The following CPED1 variants were observed in gnomAD, a reference collection of about 807,000 sequenced individuals.
CPED1 encodes the protein cadherin-like and PC-esterase domain-containing protein 1.
CPED1 carries 114 observed loss-of-function variants against 128.2 expected under a neutral mutation model. That is an observed-to-expected ratio of 0.89 (90% CI 0.76 to 1.04). The LOEUF (loss-of-function observed/expected upper bound fraction) is 1.04. Among genes scored for constraint, CPED1 ranks in the 50% least tolerant of loss-of-function variants. The pLI, the probability that CPED1 is intolerant of heterozygous loss-of-function variation, is 0.00. For synonymous variants in CPED1, 462 were observed against 426.7 expected (o/e 1.08, Z -1.02); for missense variants, 1,211 against 1,207.1 (o/e 1.00, Z -0.05).
At chr7:121,010,563 A>G (rs1485785980) in intron 2 of CPED1, among the ~76,000 whole-genome samples, 1 of 152,136 alleles carries the variant, frequency 6.6e-6, no homozygotes, top group Non-Finnish European at 1.5e-5. Context: ...TACATTTTTG[A>G]TAAGCAAACT....
rs62469348 is a variant in CPED1 at position 121,177,769 on chromosome 7, G to A, written c.2055+35628G>A. ...GACATGACATTTTGTAATAAGCTAT[G>A]CTTCTTTCCCCCTTTTTCCTTCTGC... is the stretch of plus-strand genomic sequence containing the variant. On this transcript the variant is annotated intron_variant, in intron 16 of 22. Transcript: ENST00000310396. Among the ~76,000 whole-genome samples the A allele has an allele frequency of 4.2e-3, 632 of 152,130 alleles. 3 individuals carry two copies. The highest frequency in any genetic ancestry group is 7.2e-3 in the Non-Finnish European group (492 of 67,950).
chr7:121,030,398 T>C (rs1057479860), intron 3 of CPED1, among the ~76,000 whole-genome samples: 1 of 152,250 alleles, frequency 6.6e-6, no homozygotes, highest in Non-Finnish European at 1.5e-5. Flanking sequence ...TTGAAAACTC[T>C]GAAATAAATA....
chr7:121,005,494 G>A (rs1205144239), intron 2 of CPED1, among the ~76,000 whole-genome samples: 1 of 151,612 alleles, frequency 6.6e-6, no homozygotes, highest in Non-Finnish European at 1.5e-5. Flanking sequence ...CACACACTGG[G>A]GTCTGTCGGC....
chr7:121,285,592 C>A (rs1433233641), intron 22 of CPED1, among the ~76,000 whole-genome samples: 1 of 152,210 alleles, frequency 6.6e-6, no homozygotes, highest in Non-Finnish European at 1.5e-5. Flanking sequence ...ATCTCTAGGG[C>A]AGGGGCAAAA....
chr7:121,202,180 C>T (rs1412611468), intron 16 of CPED1, among the ~76,000 whole-genome samples: 1 of 152,128 alleles, frequency 6.6e-6, no homozygotes, highest in Admixed American at 6.6e-5. Context: ...TCAGCTTGTC[C>T]TTCCAAAGTT....
At chr7:121,141,840 C>G in intron 15 of CPED1, 133 bp from the exon 16 acceptor site, 1 of 604,958 alleles carries the variant, frequency 1.7e-6, no homozygotes, top group Non-Finnish European at 2.7e-6. Flanking sequence ...GTTTAGGTTT[C>G]TTATGAAATT....
At chr7:121,018,193 G>A (rs1383186037) in intron 3 of CPED1, among the ~76,000 whole-genome samples, 1 of 151,884 alleles carries the variant, frequency 6.6e-6, no homozygotes, top group Non-Finnish European at 1.5e-5. Flanking sequence ...ATGATTTATT[G>A]TATAAAAAGA....
At chr7:121,287,376 T>C (rs1792606098) in intron 22 of CPED1, among the ~76,000 whole-genome samples, 1 of 121,480 alleles carries the variant, frequency 8.2e-6, no homozygotes, top group Non-Finnish European at 1.7e-5. Flanking sequence ...CAAGGAAACC[T>C]TCAGTGAAAT....
intron 7 of CPED1, among the ~76,000 whole-genome samples, chr7:121,117,290 G>A (rs892140271): frequency 6.6e-6 from 1 of 151,342 alleles, no homozygotes; most frequent in South Asian, 2.1e-4. Flanking sequence ...TAGTTGAGAC[G>A]GGGTTTTGCC....
At chr7:121,218,247 G>T (rs1398874545) in intron 16 of CPED1, among the ~76,000 whole-genome samples, 2 of 150,164 alleles carry the variant, frequency 1.3e-5, no homozygotes, top group African/African-American at 4.9e-5. Flanking sequence ...TGTCCGTCTT[G>T]GACTCCCAAA....
intron 7 of CPED1, among the ~76,000 whole-genome samples, chr7:121,111,385 C>T (rs1001879362): frequency 6.6e-6 from 1 of 152,192 alleles, no homozygotes; most frequent in Non-Finnish European, 1.5e-5. Flanking sequence ...CCTGGTGTGA[C>T]AGGGAGGTTC....
intron 16 of CPED1, among the ~76,000 whole-genome samples, chr7:121,232,067 C>A (rs17357115): frequency 0.46 from 70,037 of 151,828 alleles, 18,941 homozygotes; most frequent in East Asian, 0.88. Context: ...TAGAGGGTAA[C>A]ACAATGGAAT....
At position 121,226,489 on chromosome 7, in the gene CPED1, T is replaced by C. The variant is rs540433590; in HGVS notation, c.2056-10225T>C. Among the ~76,000 whole-genome samples, 6 of 152,226 alleles carry C rather than the reference T, an allele frequency of 3.9e-5. No individual in the cohort carries two copies. In the East Asian group the frequency reaches 1.2e-3, roughly 29 times the overall value. ...CATAAGTTATTTAACCAGTTTTGTA[T>C]TGATGGACACTTGAGATGTGTTTAG... On this transcript the variant is annotated intron_variant, in intron 16 of 22. Transcript: ENST00000310396.
intron 14 of CPED1, among the ~76,000 whole-genome samples, chr7:121,140,557 A>G (rs911936436): frequency 1.3e-5 from 2 of 151,964 alleles, no homozygotes; most frequent in East Asian, 1.9e-4. Context: ...GTGTGCCTTT[A>G]AACTTTCAAG....
chr7:120,997,977 T>A (rs3067976), intron 2 of CPED1, among the ~76,000 whole-genome samples: 6 of 99,586 alleles, frequency 6.0e-5, no homozygotes, highest in Admixed American at 1.0e-4. Context: ...TAAAATAAAA[T>A]AAAAAATAAA....
At chr7:121,027,107 C>T (rs1792612256) in intron 3 of CPED1, among the ~76,000 whole-genome samples, 1 of 151,492 alleles carries the variant, frequency 6.6e-6, no homozygotes, top group South Asian at 2.1e-4. Context: ...TCTCAAAGTG[C>T]TGGGATTACA....
At chr7:121,090,280 T>C (rs1312080262) in intron 5 of CPED1, among the ~76,000 whole-genome samples, 1 of 152,186 alleles carries the variant, frequency 6.6e-6, no homozygotes, top group Non-Finnish European at 1.5e-5. Flanking sequence ...CTGGCCACTT[T>C]TATGGGTCAA....
intron 18 of CPED1, among the ~76,000 whole-genome samples, chr7:121,251,834 A>T (rs1256591905): frequency 6.8e-6 from 1 of 147,356 alleles, no homozygotes; most frequent in Non-Finnish European, 1.5e-5. Context: ...AAATGGAAAA[A>T]CATTCCATGC....
chr7:121,237,146 G>GTAAT (rs1333076638), intron 17 of CPED1, among the ~76,000 whole-genome samples: 1 of 152,096 alleles, frequency 6.6e-6, no homozygotes, highest in Admixed American at 6.6e-5. Context: ...ATAGCACTCA[G>GTAAT]TAATTTTCTT....
Sources: gnomAD v4.1 joint callset for allele counts (sites outside exome capture counted in the v4.1 genomes callset) on GRCh38, gnomAD v4.1.1 for gene constraint, MANE v1.5 for transcripts, NCBI Gene and HGNC (gene_info 2026-07-23, HGNC 2026-07-21) for gene names.